PCDHGA3: variants seen among roughly 807,000 people sequenced by gnomAD.
PCDHGA3 encodes protocadherin gamma subfamily A, 3.
A neutral mutation model predicts 58.5 loss-of-function variants in PCDHGA3; 40 were observed. The observed-to-expected ratio is 0.68, with a 90% CI of 0.53 to 0.89. The LOEUF is 0.89. PCDHGA3 is among the 40% of genes least tolerant of loss of function. The probability of loss-of-function intolerance (pLI) is 0.00; values close to 1 mark genes in which losing one functional copy is unlikely to be tolerated. For synonymous variants in PCDHGA3, 530 were observed against 525.7 expected, an observed-to-expected ratio of 1.01 and a Z score of -0.11; for missense variants, 1,223 against 1,195.9, an observed-to-expected ratio of 1.02 and a Z score of -0.33.
At chr5:141,416,405 T>C (rs948190812) in intron 1 of PCDHGA3, 1 of 152,200 alleles carries the variant, frequency 6.6e-6, no homozygotes, top group Non-Finnish European at 1.5e-5. Context: ...TTTGTCTTTT[T>C]TGTTAAATTT....
In PCDHGA3 at chr5:141,459,352, C is replaced by T. The variant is rs111826527; in HGVS notation, c.2425-35455C>T. On this transcript the variant is annotated intron_variant, in intron 1 of 3. Coordinates refer to ENST00000253812, the MANE Select transcript of PCDHGA3 (RefSeq NM_018916.4). Reference sequence around the variant, plus strand: ...TACTCCAAAGTTCTTGAAATTCATTCATGTTCCTGTGTGTATCAGCAGCGT... The same window carrying T: ...TACTCCAAAGTTCTTGAAATTCATTTATGTTCCTGTGTGTATCAGCAGCGT... 1.4e-4 allele frequency among the ~76,000 whole-genome samples: 21 copies of T among 152,304 alleles called. No homozygotes were observed. The East Asian group carries it at 3.7e-3, about 27-fold the overall frequency.
rs1407394695 is a variant in PCDHGA3 at position 141,345,378 on chromosome 5, C to A, written c.1345C>A (p.Pro449Thr). ...TLHVIDINDN[P>T]PTFPHLSYSA... ...GCATGTGATTGACATCAATGACAACCCACCCACCTTCCCTCATTTATCCTA... is the reference window on the plus strand; with the variant it reads ...GCATGTGATTGACATCAATGACAACACACCCACCTTCCCTCATTTATCCTA... The change falls in exon 1 of 4, where the codon CCA becomes ACA. Residue 449 changes from proline to threonine, a missense_variant. This residue lies in a region of PCDHGA3 where 791 missense variants were observed against 708.5 expected (regional missense o/e 1.12). Coordinates refer to ENST00000253812, the MANE Select transcript of PCDHGA3 (RefSeq NM_018916.4). 9.9e-6 allele frequency: 16 copies of A among 1,614,072 alleles called. No homozygotes were observed. The highest frequency in any genetic ancestry group is 1.2e-5 in the Non-Finnish European group (14 of 1,180,008).
chr5:141,460,614 G>A (rs10058360), intron 1 of PCDHGA3, among the ~76,000 whole-genome samples: 42,418 of 151,914 alleles, frequency 0.28, 6,648 homozygotes, highest in African/African-American at 0.43. Flanking sequence ...TAGATGGATA[G>A]ATAGACAGAT....
At chr5:141,420,215 A>G in intron 1 of PCDHGA3, 2 of 1,612,096 alleles carry the variant, frequency 1.2e-6, no homozygotes, top group South Asian at 1.1e-5. Context: ...CAAAGATAGC[A>G]TGCTACTGGC....
intron 3 of PCDHGA3, among the ~76,000 whole-genome samples, chr5:141,507,784 T>C (rs2099863290): frequency 6.6e-6 from 1 of 152,136 alleles, no homozygotes; most frequent in Non-Finnish European, 1.5e-5. Context: ...GGCCTGACCC[T>C]CGTCTAAGCC....
chr5:141,375,956 G>A (rs760158486), intron 1 of PCDHGA3: 16 of 1,613,506 alleles, frequency 9.9e-6, no homozygotes, highest in South Asian at 3.3e-5. Flanking sequence ...GCACACGGGC[G>A]AGGTGCGCAC....
intron 3 of PCDHGA3, 94 bp downstream of exon 3, chr5:141,505,575 C>T: frequency 6.3e-7 from 1 of 1,592,302 alleles, no homozygotes. Context: ...GATGTCAAAC[C>T]TGTGTAGTTT....
intron 1 of PCDHGA3, chr5:141,394,079 G>A (rs375995047): frequency 5.0e-6 from 8 of 1,613,706 alleles, no homozygotes; most frequent in Non-Finnish European, 5.9e-6. Context: ...ATATCACAGT[G>A]ATGGCCTCAG....
chr5:141,383,352 G>T lies in PCDHGA3; in HGVS notation c.2424+36895G>T, dbSNP rs115561507. On this transcript the variant is annotated intron_variant, in intron 1 of 3. Coordinates refer to ENST00000253812, the MANE Select transcript of PCDHGA3 (RefSeq NM_018916.4). ...TGGAGAATACAGCTCCTGGGGTTCG[G>T]TTTCCGTTAAGCGAGGCTGGGGATC... The T allele has an allele frequency of 9.3e-4, 1,504 of 1,614,018 alleles. 9 individuals carry two copies. In the African/African-American group the frequency reaches 0.016, roughly 17 times the overall value.
rs2093099818 is a variant in PCDHGA3 at position 141,394,799 on chromosome 5, A to T, written c.2424+48342A>T. On this transcript the variant is annotated intron_variant, in intron 1 of 3. Transcript: ENST00000253812. The stretch of plus-strand genomic sequence containing the variant: ...TCTCCGCCACTGTCACGCTCACCGT[A>T]GCCGTGGCTGACAGCATCCCCGAAG... 3 of 1,613,690 alleles carry T rather than the reference A, an allele frequency of 1.9e-6. No individual in the cohort carries two copies. The Admixed American group carries it at 5.0e-5, about 27-fold the overall frequency.
At chr5:141,360,654 T>A (rs764068570) in intron 1 of PCDHGA3, 3 of 1,614,006 alleles carry the variant, frequency 1.9e-6, no homozygotes, top group Non-Finnish European at 2.5e-6. Flanking sequence ...ACCACCTTAA[T>A]GACAACGAGT....
At chr5:141,357,707 C>A in intron 1 of PCDHGA3, 1 of 1,473,478 alleles carries the variant, frequency 6.8e-7, no homozygotes, top group East Asian at 2.4e-5. Flanking sequence ...TGTAATATAT[C>A]AAATAAAGTT....
intron 1 of PCDHGA3, among the ~76,000 whole-genome samples, chr5:141,455,419 G>A (rs1462099602): frequency 6.6e-6 from 1 of 152,124 alleles, no homozygotes; most frequent in Non-Finnish European, 1.5e-5. Context: ...AGGGAGCGGG[G>A]CTCCAAAAGA....
chr5:141,455,502 A>G (rs888549465), intron 1 of PCDHGA3, among the ~76,000 whole-genome samples: 12 of 152,206 alleles, frequency 7.9e-5, no homozygotes, highest in African/African-American at 2.7e-4. Flanking sequence ...TCTGATTTGC[A>G]TAGGGCTCAG....
At chr5:141,414,888 C>T (rs1452402953) in intron 1 of PCDHGA3, 2 of 1,614,210 alleles carry the variant, frequency 1.2e-6, no homozygotes, top group Non-Finnish European at 1.7e-6. Flanking sequence ...ACCCCGCCCT[C>T]CCCACAGACG....
intron 1 of PCDHGA3, chr5:141,366,203 G>A (rs1764404234): frequency 3.7e-6 from 6 of 1,613,862 alleles, no homozygotes; most frequent in East Asian, 4.5e-5. Flanking sequence ...GCACACGGGC[G>A]AGGTGCGCAC....
At chr5:141,457,071 C>T in intron 1 of PCDHGA3, among the ~76,000 whole-genome samples, 1 of 152,188 alleles carries the variant, frequency 6.6e-6, no homozygotes, top group Non-Finnish European at 1.5e-5. Context: ...TTGCCAGTAA[C>T]TATTATCCCT....
At chr5:141,399,979 C>A (rs1402446986) in intron 1 of PCDHGA3, 5 of 1,612,154 alleles carry the variant, frequency 3.1e-6, no homozygotes, top group Non-Finnish European at 4.2e-6. Context: ...CCTGGGGCTG[C>A]GCACAGGAGA....
chr5:141,366,360 G>T, intron 1 of PCDHGA3: 1 of 1,614,024 alleles, frequency 6.2e-7, no homozygotes. Context: ...GACCTAGGCA[G>T]TATCAAGACC....
Sources: allele counts gnomAD v4.1 joint callset (sites outside exome capture counted in the v4.1 genomes callset), GRCh38; gene constraint gnomAD v4.1.1; regional missense constraint gnomAD v4.1.1; transcripts MANE v1.5; gene names NCBI Gene and HGNC (gene_info 2026-07-23, HGNC 2026-07-21).